GABRG3: variants seen among roughly 807,000 people sequenced by gnomAD.
The protein encoded by GABRG3 is gamma-aminobutyric acid receptor subunit gamma-3.
A neutral mutation model predicts 48.8 loss-of-function variants in GABRG3; 25 were observed. The ratio of observed to expected loss-of-function variants is 0.51; its 90% CI spans 0.37 to 0.72. The LOEUF (loss-of-function observed/expected upper bound fraction) is 0.72. GABRG3 is among the 30% of genes least tolerant of loss of function. GABRG3 has a pLI of 0.00. For synonymous variants in GABRG3, 227 were observed against 217.6 expected, an observed-to-expected ratio of 1.04 and a Z score of -0.38; for missense variants, 394 against 577.9, an observed-to-expected ratio of 0.68 and a Z score of 3.26.
At chr15:27,376,349 G>A (rs1164691917) in intron 5 of GABRG3, among the ~76,000 whole-genome samples, 1 of 152,172 alleles carries the variant, frequency 6.6e-6, no homozygotes, top group African/African-American at 2.4e-5. Context: ...TCCCATCCTG[G>A]GGTTTGGAGG....
At chr15:27,323,405 G>A (rs975376466) in intron 3 of GABRG3, among the ~76,000 whole-genome samples, 5 of 152,122 alleles carry the variant, frequency 3.3e-5, no homozygotes, top group African/African-American at 1.2e-4. Context: ...TGCTTGGGAG[G>A]ACATTTTCAT....
At chr15:27,046,295 G>A (rs1896364597) in intron 3 of GABRG3, among the ~76,000 whole-genome samples, 1 of 150,848 alleles carries the variant, frequency 6.6e-6, no homozygotes, top group Admixed American at 6.6e-5. Context: ...AGTAGAGACT[G>A]GTTTCTCCAT....
At chr15:27,124,524 GGA>G (rs761058604) in intron 3 of GABRG3, among the ~76,000 whole-genome samples, 8 of 152,308 alleles carry the variant, frequency 5.3e-5, no homozygotes, top group Non-Finnish European at 8.8e-5. Flanking sequence ...GGAAATGGAG[GGA>G]GAGACGATGA....
At position 27,021,815 on chromosome 15, in the gene GABRG3, C is replaced by T. The variant is rs189962110; in HGVS notation, c.203-4939C>T. Among the ~76,000 whole-genome samples, 67 of 152,238 alleles carry T rather than the reference C, an allele frequency of 4.4e-4. 1 individual carries two copies. The highest frequency in any genetic ancestry group is 3.9e-3 in the East Asian group (20 of 5,174). On this transcript the variant is annotated intron_variant, in intron 2 of 9. Coordinates refer to ENST00000615808, the MANE Select transcript of GABRG3 (RefSeq NM_033223.5). ...CCATGATTGCACCACTGCACTCCAG[C>T]GTGGGCAACAGAGCAAGACCCTGCC...
intron 5 of GABRG3, among the ~76,000 whole-genome samples, chr15:27,456,893 C>A (rs914274392): frequency 5.3e-5 from 8 of 152,204 alleles, no homozygotes; most frequent in African/African-American, 1.9e-4. Context: ...AGGGCCCTCC[C>A]TACCACAGGC....
At chr15:27,111,287 G>T (rs557809829) in intron 3 of GABRG3, among the ~76,000 whole-genome samples, 1 of 152,226 alleles carries the variant, frequency 6.6e-6, no homozygotes, top group African/African-American at 2.4e-5. Context: ...GCTCTTGCAT[G>T]TCCTCTGCTT....
chr15:27,054,214 G>A (rs1204876395), intron 3 of GABRG3, among the ~76,000 whole-genome samples: 1 of 151,716 alleles, frequency 6.6e-6, no homozygotes, highest in East Asian at 1.9e-4. Context: ...ACTCCAGCCT[G>A]GGCGAAAGAG....
At chr15:27,503,624 C>T (rs1890694642) in intron 6 of GABRG3, among the ~76,000 whole-genome samples, 1 of 152,146 alleles carries the variant, frequency 6.6e-6, no homozygotes, top group African/African-American at 2.4e-5. Flanking sequence ...TTGATGTGCA[C>T]ATACCAAGAA....
At chr15:27,195,335 CTCTT>C (rs1158890650) in intron 3 of GABRG3, among the ~76,000 whole-genome samples, 8 of 152,096 alleles carry the variant, frequency 5.3e-5, no homozygotes, top group Non-Finnish European at 1.0e-4. Flanking sequence ...CTTTCTTTCT[CTCTT>C]TCTCTCTGTC....
chr15:27,372,114 T>G (rs1021115102), intron 5 of GABRG3, among the ~76,000 whole-genome samples: 1 of 152,180 alleles, frequency 6.6e-6, no homozygotes, highest in Non-Finnish European at 1.5e-5. Flanking sequence ...AAATTATACT[T>G]AAGTATTAAC....
intron 5 of GABRG3, among the ~76,000 whole-genome samples, chr15:27,421,103 T>C (rs1223630702): frequency 1.3e-5 from 2 of 152,036 alleles, no homozygotes; most frequent in Non-Finnish European, 2.9e-5. Context: ...TGAAGACTGG[T>C]TTCCCTGGAT....
At position 27,145,271 on chromosome 15, in the gene GABRG3, T is replaced by G. The variant is rs546419629; in HGVS notation, c.270+118450T>G. The stretch of plus-strand genomic sequence containing the variant: ...GCTACCTTAAGAACATTCTACAAAC[T>G]AAGAAAACCATGTATAAAGAACTAA... On this transcript the variant is annotated intron_variant, in intron 3 of 9. Coordinates refer to ENST00000615808, the MANE Select transcript of GABRG3 (RefSeq NM_033223.5). 2.0e-5 allele frequency among the ~76,000 whole-genome samples: 3 copies of G among 151,458 alleles called. No individual in the cohort carries two copies. The East Asian group carries it at 5.8e-4, about 29-fold the overall frequency.
chr15:27,501,518 T>C (rs926721229), intron 6 of GABRG3, among the ~76,000 whole-genome samples: 1 of 152,098 alleles, frequency 6.6e-6, no homozygotes, highest in African/African-American at 2.4e-5. Context: ...ATAAGTTCCA[T>C]TCCAAATGAG....
chr15:27,333,649 G>A (rs537357939), intron 5 of GABRG3, among the ~76,000 whole-genome samples: 60 of 152,176 alleles, frequency 3.9e-4, no homozygotes, highest in African/African-American at 1.4e-3. Context: ...AGGTTCTGGG[G>A]TTGAGCAAGT....
At chr15:27,010,895 G>C (rs968591207) in intron 2 of GABRG3, among the ~76,000 whole-genome samples, 1 of 152,094 alleles carries the variant, frequency 6.6e-6, no homozygotes, top group Non-Finnish European at 1.5e-5. Flanking sequence ...GCCCAGGGTG[G>C]AGTGCAATGG....
intron 2 of GABRG3, among the ~76,000 whole-genome samples, chr15:26,991,392 G>T (rs921256595): frequency 1.3e-5 from 2 of 151,524 alleles, no homozygotes; most frequent in Non-Finnish European, 2.9e-5. Flanking sequence ...GGATAGCTTT[G>T]ACTATTTTGG....
At chr15:27,471,949 A>G (rs1351125489) in intron 5 of GABRG3, among the ~76,000 whole-genome samples, 1 of 152,210 alleles carries the variant, frequency 6.6e-6, no homozygotes, top group African/African-American at 2.4e-5. Context: ...GTTCTTACAA[A>G]TAAAATTTAT....
intron 3 of GABRG3, among the ~76,000 whole-genome samples, chr15:27,210,180 G>A (rs949005364): frequency 3.3e-5 from 5 of 152,290 alleles, no homozygotes; most frequent in African/African-American, 9.6e-5. Context: ...CAAGGGTCGG[G>A]TGAATGTGGA....
chr15:27,046,916 A>G (rs560082219), intron 3 of GABRG3, among the ~76,000 whole-genome samples: 123 of 152,346 alleles, frequency 8.1e-4, no homozygotes, highest in African/African-American at 2.9e-3. Context: ...ATGAAGTGTT[A>G]TTGCCACTGT....
Sources: gnomAD v4.1 joint callset for allele counts (sites outside exome capture counted in the v4.1 genomes callset) on GRCh38, gnomAD v4.1.1 for gene constraint, MANE v1.5 for transcripts, NCBI Gene and HGNC (gene_info 2026-07-23, HGNC 2026-07-21) for gene names.